Variants in SEPTIN8 observed in about 807,000 individuals in gnomAD.
SEPTIN8 encodes the protein septin-8.
SEPTIN8 carries 22 observed loss-of-function variants against 53.1 expected under a neutral mutation model. The observed-to-expected ratio is 0.41, with a 90% confidence interval of 0.30 to 0.59. The LOEUF (loss-of-function observed/expected upper bound fraction) is 0.59, where lower values mean the gene tolerates loss of function less well. SEPTIN8 is among the 20% of genes least tolerant of loss of function. The probability of loss-of-function intolerance (pLI) is 0.24; values close to 1 mark genes in which losing one functional copy is unlikely to be tolerated. For missense variants in SEPTIN8, 536 were observed against 638.7 expected (o/e 0.84, Z 1.73); for synonymous variants, 228 against 248.4 (o/e 0.92, Z 0.77).
At chr5:132,757,320 G>C (rs1755433271) in intron 9 of SEPTIN8, 11 of 985,342 alleles carry the variant, frequency 1.1e-5, no homozygotes, top group Non-Finnish European at 1.2e-5. Flanking sequence ...CACAGGTAAA[G>C]GCTGCCTCTT....
chr5:132,754,615 T>C lies in SEPTIN8; in HGVS notation c.1287-2434A>G, dbSNP rs114533973. On this transcript the variant is annotated intron_variant, in intron 9 of 9. Transcript: ENST00000378719. ...TTCTATAAATGATAGAACTCTTCTA[T>C]AGGGAAGCTCACTTTTGTATTGCCG... 1.6e-3 allele frequency: 1,064 copies of C among 667,402 alleles called. 12 individuals carry two copies. The African/African-American group carries it at 0.017, about 11-fold the overall frequency. The allele number at this position is 667,402 out of a possible 1,614,324, so 41.3% of individuals were successfully genotyped here. A position where few individuals can be genotyped will look rare whatever the true frequency, so the allele number is the denominator to read the frequency against.
rs1455104383 is a variant in SEPTIN8, at chr5:132,751,622, C to T, written c.*394G>A. ...CCACCGTTGCCAAGTTGCAGAGTTTCGTCTTATGATAAGCAGATACAAGTA... is the reference window on the plus strand; with the variant it reads ...CCACCGTTGCCAAGTTGCAGAGTTTTGTCTTATGATAAGCAGATACAAGTA... On this transcript the variant is annotated 3_prime_UTR_variant, in exon 10 of 10. Transcript: ENST00000378719. 1.8e-5 allele frequency: 6 copies of T among 340,138 alleles called. No individual in the cohort carries two copies. The highest frequency in any genetic ancestry group is 2.7e-5 in the Non-Finnish European group (5 of 187,916). The allele number at this position is 340,138 out of a possible 1,614,324, so 21.1% of individuals were successfully genotyped here.
At chr5:132,756,005 C>A in intron 9 of SEPTIN8, 1 of 985,038 alleles carries the variant, frequency 1.0e-6, no homozygotes, top group Non-Finnish European at 1.2e-6. Context: ...CACAAAAACT[C>A]AAAATAAATG....
chr5:132,768,893 G>C (rs1756901284), intron 1 of SEPTIN8, among the ~76,000 whole-genome samples: 1 of 152,188 alleles, frequency 6.6e-6, no homozygotes, highest in Non-Finnish European at 1.5e-5. Context: ...CCTCTTTATT[G>C]CTGAGGCTAG....
At chr5:132,759,771 G>A (rs1267627402) in intron 9 of SEPTIN8, among the ~76,000 whole-genome samples, 1 of 152,216 alleles carries the variant, frequency 6.6e-6, no homozygotes, top group Non-Finnish European at 1.5e-5. Context: ...CCGGGGCAGG[G>A]AGAAGCAGGG....
At chr5:132,756,231 G>T in intron 9 of SEPTIN8, 1 of 985,380 alleles carries the variant, frequency 1.0e-6, no homozygotes, top group Non-Finnish European at 1.2e-6. Context: ...AGTCAGTAAT[G>T]CACAATTACA....
chr5:132,753,045 G>A, intron 9 of SEPTIN8: 1 of 1,202,952 alleles, frequency 8.3e-7, no homozygotes, highest in Non-Finnish European at 1.2e-6. Context: ...GAGTTCTTTG[G>A]CTTGTTATGA....
intron 3 of SEPTIN8, 101 bp downstream of exon 3, chr5:132,764,123 C>T: frequency 7.7e-7 from 1 of 1,292,432 alleles, no homozygotes; most frequent in Non-Finnish European, 1.1e-6. Flanking sequence ...CCAAGAGGCC[C>T]TCCCTGGCCC....
At position 132,750,989 on chromosome 5, in the gene SEPTIN8, T is replaced by G. The variant is rs1383726515; in HGVS notation, c.*1027A>C. On this transcript the variant is annotated 3_prime_UTR_variant, in exon 10 of 10. Transcript: ENST00000378719. ...CTATATTGGGACGCCGCTGGACTTC[T>G]TGACTATAGTGAGTAAGGAGGTGTT... 1 of 1,613,706 alleles carries G rather than the reference T, an allele frequency of 6.2e-7. No homozygotes were observed. The highest frequency in any genetic ancestry group is 1.1e-5 in the South Asian group (1 of 90,892).
chr5:132,751,086 C>G lies in SEPTIN8; in HGVS notation c.*930G>C. 6.8e-7 allele frequency: 1 copy of G among 1,472,046 alleles called. No homozygotes were observed. The highest frequency in any genetic ancestry group is 1.3e-5 in the South Asian group (1 of 79,136). The allele number at this position is 1,472,046 out of a possible 1,614,324, so 91.2% of individuals were successfully genotyped here. ...ACAACATGGGATGGCAAAGCACAGG[C>G]GTGCACACGCCCTTGCACATGCACC... On this transcript the variant is annotated 3_prime_UTR_variant, in exon 10 of 10. Transcript: ENST00000378719.
chr5:132,777,245 C>A, upstream of SEPTIN8: 1 of 1,142,996 alleles, frequency 8.7e-7, no homozygotes, highest in Non-Finnish European at 1.1e-6. The surrounding 1 kb of genome is among the most constrained non-coding windows in gnomAD (Gnocchi z 4.1). Flanking sequence ...TGAATGGATC[C>A]AATATGGCCA....
chr5:132,757,492 A>G (rs2149956692), intron 9 of SEPTIN8: 1 of 985,534 alleles, frequency 1.0e-6, no homozygotes, highest in Non-Finnish European at 1.2e-6. Context: ...AGACAGGGGC[A>G]TGAAAAGCAA....
intron 1 of SEPTIN8, among the ~76,000 whole-genome samples, chr5:132,765,945 G>A (rs943770157): frequency 3.3e-5 from 5 of 152,294 alleles, no homozygotes; most frequent in African/African-American, 4.8e-5. Context: ...TCTAGGAGAC[G>A]GGGGATGCTG....
At chr5:132,765,669 T>C in intron 1 of SEPTIN8, 140 bp from the exon 2 acceptor site, 1 of 1,089,266 alleles carries the variant, frequency 9.2e-7, no homozygotes, top group Non-Finnish European at 1.3e-6. Context: ...AGACACACCC[T>C]GAGTACACCC....
upstream of SEPTIN8, chr5:132,777,809 C>A (rs745801339): frequency 1.9e-5 from 19 of 985,374 alleles, no homozygotes; most frequent in Non-Finnish European, 2.0e-5. This position sits in a 1 kb window ranked among gnomAD's most constrained non-coding sequence, Gnocchi z 4.1. Context: ...CCCGCGCGTC[C>A]GGCCAGGCGG....
intron 1 of SEPTIN8, among the ~76,000 whole-genome samples, chr5:132,767,688 T>C (rs1035636263): frequency 1.7e-4 from 26 of 152,138 alleles, no homozygotes; most frequent in Admixed American, 1.7e-3. Context: ...CTGCCCACCT[T>C]ACACAGGGCT....
Position 132,760,858 on chromosome 5 carries a change from C to G in SEPTIN8, c.1230G>C (p.Ser410=). Residue 410 remains serine (S), a synonymous_variant, in exon 9 of 10, where the codon TCG becomes TCC. Transcript: ENST00000378719. This position sits in a 1 kb window ranked among gnomAD's most constrained non-coding sequence, Gnocchi z 5.2. ...GCTGCGAGGTGGCGTGCAAGGCCTG[C>G]GACTGCAGGGCCTCCACCGCAGCCT... The part of the protein sequence containing the change: ...RRKAAVEALQ[S]QALHATSQQP... The G allele has an allele frequency of 1.9e-6, 3 of 1,613,776 alleles. No individual in the cohort carries two copies. Among genetic ancestry groups the G allele is most frequent in the Non-Finnish European group, 2.5e-6 (3 of 1,179,992 alleles).
At chr5:132,777,819 G>T (rs30515), upstream of SEPTIN8, 165,265 of 985,298 alleles carry the variant, frequency 0.17, 28,662 homozygotes, top group African/African-American at 0.8. The surrounding 1 kb of genome is among the most constrained non-coding windows in gnomAD (Gnocchi z 4.1). Flanking sequence ...CGGCCAGGCG[G>T]CCTTCCCGGG....
At chr5:132,758,571 CCT>C in intron 9 of SEPTIN8, 2 of 1,612,016 alleles carry the variant, frequency 1.2e-6, no homozygotes, top group South Asian at 2.2e-5. Flanking sequence ...AAAAAATAAA[CCT>C]CGTCAGTTTT....
Sources: gnomAD v4.1 joint callset for allele counts (sites outside exome capture counted in the v4.1 genomes callset) on GRCh38, gnomAD v4.1.1 for gene constraint, Gnocchi (gnomAD v3.1) non-coding constraint, MANE v1.5 for transcripts, NCBI Gene and HGNC (gene_info 2026-07-23, HGNC 2026-07-21) for gene names.